Variants in CTNNBL1 observed in about 807,000 individuals in gnomAD.
The protein encoded by CTNNBL1 is beta-catenin-like protein 1.
Under a neutral mutation model 72.7 loss-of-function variants are expected in CTNNBL1, and 31 were observed. The observed-to-expected ratio is 0.43, with a 90% CI of 0.32 to 0.58. The LOEUF is 0.58. Ranked by LOEUF, CTNNBL1 falls within the 20% of genes least tolerant of loss-of-function variation. CTNNBL1 has a pLI of 0.08. For missense variants in CTNNBL1, 534 were observed against 725.1 expected, an observed-to-expected ratio of 0.74 and a Z score of 3.03; for synonymous variants, 240 against 267.3, an observed-to-expected ratio of 0.90 and a Z score of 1.00.
intron 1 of CTNNBL1, among the ~76,000 whole-genome samples, chr20:37,719,618 C>T (rs2073022603): frequency 1.3e-5 from 2 of 152,180 alleles, no homozygotes; most frequent in Non-Finnish European, 1.5e-5. Flanking sequence ...CTCATCTCCC[C>T]TTCATGTTCA....
Position 37,736,094 on chromosome 20 carries a change from A to C in CTNNBL1, c.220-1284A>C, listed in dbSNP as rs6122946. On this transcript the variant is annotated intron_variant, in intron 2 of 15. Transcript: ENST00000361383. ...ATTATTCCAATGTATGAAGCCAGAAAATTCTGTACAGTCTACTAGCTTTTT... is the reference window on the plus strand; with the variant it reads ...ATTATTCCAATGTATGAAGCCAGAACATTCTGTACAGTCTACTAGCTTTTT... 2.8e-3 allele frequency among the ~76,000 whole-genome samples: 430 copies of C among 152,322 alleles called. 5 individuals are homozygous for C. The highest frequency in any genetic ancestry group is 0.017 in the East Asian group (89 of 5,192).
At chr20:37,747,391 A>C (rs904522979) in intron 4 of CTNNBL1, among the ~76,000 whole-genome samples, 6 of 151,048 alleles carry the variant, frequency 4.0e-5, no homozygotes, top group African/African-American at 1.5e-4. Context: ...AAAAAAAAAA[A>C]AAAAAAAAAA....
intron 15 of CTNNBL1, among the ~76,000 whole-genome samples, chr20:37,868,744 C>T (rs1352117604): frequency 1.3e-5 from 2 of 152,122 alleles, no homozygotes; most frequent in Non-Finnish European, 2.9e-5. Flanking sequence ...GTGTGGGTTC[C>T]CTCTGCTTCG....
chr20:37,859,605 G>GTT (rs35433241), intron 13 of CTNNBL1, among the ~76,000 whole-genome samples: 18 of 147,036 alleles, frequency 1.2e-4, no homozygotes, highest in African/African-American at 3.5e-4. Flanking sequence ...CCGTCAGCTT[G>GTT]TTTTTTTTTT....
At chr20:37,751,356 G>A (rs780058813) in intron 4 of CTNNBL1, 12 of 152,250 alleles carry the variant, frequency 7.9e-5, no homozygotes, top group South Asian at 2.1e-4. Context: ...TTTAAGCAGG[G>A]AAAAATTTTT....
chr20:37,744,941 A>G (rs1187086044), intron 3 of CTNNBL1, among the ~76,000 whole-genome samples: 1 of 152,148 alleles, frequency 6.6e-6, no homozygotes, highest in East Asian at 1.9e-4. Flanking sequence ...GCCTTATATC[A>G]TACACTGAAA....
At chr20:37,736,034 G>C (rs1207647963) in intron 2 of CTNNBL1, among the ~76,000 whole-genome samples, 1 of 151,260 alleles carries the variant, frequency 6.6e-6, no homozygotes, top group African/African-American at 2.4e-5. Context: ...AAATGATTTA[G>C]TTTTCAAATA....
At chr20:37,782,370 A>G (rs913514122) in intron 10 of CTNNBL1, among the ~76,000 whole-genome samples, 2 of 152,154 alleles carry the variant, frequency 1.3e-5, no homozygotes, top group African/African-American at 2.4e-5. Flanking sequence ...CCTCCTTCCC[A>G]CACATATGTG....
chr20:37,772,482 A>G (rs907736861), intron 7 of CTNNBL1, among the ~76,000 whole-genome samples: 18 of 152,216 alleles, frequency 1.2e-4, no homozygotes, highest in Admixed American at 7.2e-4. Context: ...CTGAGTAGCT[A>G]GGACTACAGG....
intron 13 of CTNNBL1, among the ~76,000 whole-genome samples, chr20:37,853,962 T>C (rs1261628367): frequency 1.3e-5 from 2 of 152,244 alleles, no homozygotes; most frequent in African/African-American, 2.4e-5. Flanking sequence ...AAACTTCATC[T>C]TCAGAAGCCA....
At chr20:37,768,968 G>A (rs371300379) in intron 7 of CTNNBL1, among the ~76,000 whole-genome samples, 96 of 152,136 alleles carry the variant, frequency 6.3e-4, no homozygotes, top group African/African-American at 2.1e-3. Flanking sequence ...TAGTAGAGAC[G>A]GGGTTTCACC....
chr20:37,826,470 A>G (rs189275823), intron 11 of CTNNBL1, among the ~76,000 whole-genome samples: 1 of 152,336 alleles, frequency 6.6e-6, no homozygotes, highest in Non-Finnish European at 1.5e-5. Flanking sequence ...AATATTTCAC[A>G]TTAAATGGGT....
At chr20:37,706,363 C>G (rs1333068195) in intron 1 of CTNNBL1, among the ~76,000 whole-genome samples, 1 of 152,204 alleles carries the variant, frequency 6.6e-6, no homozygotes, top group Non-Finnish European at 1.5e-5. Context: ...AGAGTCAGTT[C>G]TCTTAAACTG....
intron 13 of CTNNBL1, among the ~76,000 whole-genome samples, chr20:37,847,041 G>T (rs901481046): frequency 1.3e-5 from 2 of 152,134 alleles, no homozygotes; most frequent in African/African-American, 4.8e-5. Context: ...CTGTCTGTGA[G>T]TATTAAGGAA....
intron 11 of CTNNBL1, among the ~76,000 whole-genome samples, chr20:37,819,545 T>C (rs1031825473): frequency 2.6e-5 from 4 of 152,232 alleles, no homozygotes; most frequent in Non-Finnish European, 4.4e-5. Context: ...GCCTATTTTA[T>C]TGTGGAAAGT....
chr20:37,789,138 C>T (rs1410837583), intron 10 of CTNNBL1, among the ~76,000 whole-genome samples: 1 of 152,120 alleles, frequency 6.6e-6, no homozygotes, highest in Non-Finnish European at 1.5e-5. Flanking sequence ...CTCATTTGCT[C>T]ACATTAGTGT....
intron 15 of CTNNBL1, among the ~76,000 whole-genome samples, chr20:37,871,514 C>T (rs1479017427): frequency 3.9e-5 from 6 of 152,034 alleles, no homozygotes; most frequent in African/African-American, 1.5e-4. Flanking sequence ...GTCTAATCCC[C>T]CTAGATTAGA....
At chr20:37,786,063 G>C (rs2073670718) in intron 10 of CTNNBL1, among the ~76,000 whole-genome samples, 1 of 152,196 alleles carries the variant, frequency 6.6e-6, no homozygotes, top group Non-Finnish European at 1.5e-5. Flanking sequence ...TGGATTACTA[G>C]GCAGAAACTC....
chr20:37,712,417 A>G (rs77507386), intron 1 of CTNNBL1, among the ~76,000 whole-genome samples: 14,927 of 152,224 alleles, frequency 0.098, 1,045 homozygotes, highest in African/African-American at 0.19. Context: ...ATTAAATATC[A>G]CTGCCACTTT....
Sources: gnomAD v4.1 joint callset for allele counts (sites outside exome capture counted in the v4.1 genomes callset) on GRCh38, gnomAD v4.1.1 for gene constraint, MANE v1.5 for transcripts, NCBI Gene and HGNC (gene_info 2026-07-23, HGNC 2026-07-21) for gene names.